CSMD1: variants seen among roughly 807,000 people sequenced by gnomAD.
CSMD1 encodes CUB and Sushi multiple domains 1.
A neutral mutation model predicts 417.5 loss-of-function variants in CSMD1; 213 were observed. The observed-to-expected ratio is 0.51, with a 90% CI of 0.46 to 0.57. CSMD1 has a LOEUF of 0.57. CSMD1 is among the 20% of genes least tolerant of loss of function. CSMD1 has a pLI of 0.00. For synonymous variants in CSMD1, 2,862 were observed against 1,736.8 expected, an observed-to-expected ratio of 1.65 and a Z score of -16.11; for missense variants, 6,923 against 4,529.7, an observed-to-expected ratio of 1.53 and a Z score of -15.17.
At chr8:4,097,312 A>C (rs937068283) in intron 3 of CSMD1, among the ~76,000 whole-genome samples, 2 of 152,204 alleles carry the variant, frequency 1.3e-5, no homozygotes, top group African/African-American at 4.8e-5. Flanking sequence ...ATACTGAAAC[A>C]CTTATTTTAA....
rs1409428587 is a variant in CSMD1, at chr8:3,394,875, TG to T, written c.2593+1318del. ...TGAAGAGTAATAACTGAATTAAATTTGAAATTTGTCATTAAGTCATTGATAA... is the reference window on the plus strand; with the variant it reads ...TGAAGAGTAATAACTGAATTAAATTTAAATTTGTCATTAAGTCATTGATAA... On this transcript the variant is annotated intron_variant, in intron 17 of 69. Transcript: ENST00000635120. Among the ~76,000 whole-genome samples, 4 of 152,232 alleles carry T rather than the reference TG, an allele frequency of 2.6e-5. No homozygotes were observed. The East Asian group carries it at 5.8e-4, about 22-fold the overall frequency.
intron 10 of CSMD1, among the ~76,000 whole-genome samples, chr8:3,506,437 T>C (rs927070318): frequency 1.3e-5 from 2 of 152,118 alleles, no homozygotes; most frequent in Admixed American, 1.3e-4. Flanking sequence ...AATGGGTAAG[T>C]ACTCACATTC....
chr8:4,478,205 A>C (rs541649514), intron 2 of CSMD1, among the ~76,000 whole-genome samples: 5 of 152,188 alleles, frequency 3.3e-5, no homozygotes, highest in Non-Finnish European at 7.3e-5. Flanking sequence ...TTCACTCGCC[A>C]AATGATTCAC....
chr8:4,162,144 C>T (rs756328718), intron 3 of CSMD1, among the ~76,000 whole-genome samples: 2 of 152,142 alleles, frequency 1.3e-5, no homozygotes, highest in Admixed American at 6.6e-5. Flanking sequence ...TAAACCAGTG[C>T]GACATCGTAA....
At chr8:4,906,503 T>A (rs1467105981) in intron 1 of CSMD1, among the ~76,000 whole-genome samples, 1 of 51,568 alleles carries the variant, frequency 1.9e-5, no homozygotes, top group Non-Finnish European at 4.5e-5. Context: ...TTCACACACT[T>A]TGTTTTTCAG....
At chr8:3,501,257 G>C (rs1796588027) in intron 10 of CSMD1, among the ~76,000 whole-genome samples, 1 of 151,876 alleles carries the variant, frequency 6.6e-6, no homozygotes, top group South Asian at 2.1e-4. Flanking sequence ...CACACACACA[G>C]GCACAGAAAC....
At chr8:3,917,417 AC>A (rs1808905755) in intron 5 of CSMD1, among the ~76,000 whole-genome samples, 1 of 15,812 alleles carries the variant, frequency 6.3e-5, no homozygotes, top group African/African-American at 6.1e-4. Flanking sequence ...ATACCACGAA[AC>A]ACACACACAC....
intron 11 of CSMD1, among the ~76,000 whole-genome samples, chr8:3,474,805 C>T (rs759925770): frequency 2.0e-5 from 3 of 152,094 alleles, no homozygotes; most frequent in Non-Finnish European, 4.4e-5. Context: ...TAACACAGCT[C>T]AATTTTTCCC....
At chr8:4,586,762 C>T (rs1249805345) in intron 2 of CSMD1, among the ~76,000 whole-genome samples, 1 of 152,304 alleles carries the variant, frequency 6.6e-6, no homozygotes, top group East Asian at 1.9e-4. Context: ...TGCGGTTCCC[C>T]ATGGCACTTT....
chr8:3,464,387 C>T (rs940259829), intron 12 of CSMD1, among the ~76,000 whole-genome samples: 1 of 152,046 alleles, frequency 6.6e-6, no homozygotes, highest in African/African-American at 2.4e-5. Flanking sequence ...TATGAGGGAA[C>T]CCAACTTTCA....
At chr8:4,339,690 G>T (rs1272735709) in intron 3 of CSMD1, among the ~76,000 whole-genome samples, 1 of 152,090 alleles carries the variant, frequency 6.6e-6, no homozygotes, top group Non-Finnish European at 1.5e-5. Flanking sequence ...ACAGTTTCCA[G>T]GTTTGAGTGA....
intron 1 of CSMD1, among the ~76,000 whole-genome samples, chr8:4,780,996 C>G (rs527395209): frequency 6.6e-5 from 10 of 152,306 alleles, no homozygotes; most frequent in Admixed American, 2.0e-4. Context: ...AGGTCAGTGT[C>G]TTACCTTAAA....
intron 2 of CSMD1, among the ~76,000 whole-genome samples, chr8:4,573,274 T>C (rs1450570972): frequency 6.6e-6 from 1 of 152,218 alleles, no homozygotes; most frequent in African/African-American, 2.4e-5. Flanking sequence ...CTTTGATCTT[T>C]TATGCTGATG....
At position 3,288,696 on chromosome 8, in the gene CSMD1, C is replaced by T. The variant is rs868040586; in HGVS notation, c.3951-4350G>A. Among the ~76,000 whole-genome samples the T allele has an allele frequency of 1.2e-4, 18 of 146,862 alleles. 3 individuals carry two copies. The highest frequency in any genetic ancestry group is 4.6e-4 in the African/African-American group (17 of 36,874). On this transcript the variant is annotated intron_variant, in intron 25 of 69. Transcript: ENST00000635120. Reference sequence around the variant, plus strand: ...CTATTTGATTCTTCTCTCTTTTCTTCTTTATTTTTCTTGATAGCAGTTTAT... The same window carrying T: ...CTATTTGATTCTTCTCTCTTTTCTTTTTTATTTTTCTTGATAGCAGTTTAT...
At chr8:3,950,184 A>G (rs2129864463) in intron 5 of CSMD1, among the ~76,000 whole-genome samples, 1 of 152,348 alleles carries the variant, frequency 6.6e-6, no homozygotes, top group Non-Finnish European at 1.5e-5. Context: ...ACAAGACCCT[A>G]GAGGCCACGA....
Position 4,592,104 on chromosome 8 carries a change from C to A in CSMD1, c.302+45238G>T, listed in dbSNP as rs187670096. Among the ~76,000 whole-genome samples the A allele has an allele frequency of 3.3e-5, 5 of 152,140 alleles. No homozygotes were observed. In the East Asian group the frequency reaches 9.7e-4, roughly 29 times the overall value. ...TAGGGACATGCTGGTAGATGTTTAA[C>A]GAGCGGCTTTGCTGGCATAACGGAT... On this transcript the variant is annotated intron_variant, in intron 2 of 69. Transcript: ENST00000635120.
At chr8:4,505,732 G>A (rs1802489072) in intron 2 of CSMD1, among the ~76,000 whole-genome samples, 2 of 152,038 alleles carry the variant, frequency 1.3e-5, no homozygotes, top group African/African-American at 4.8e-5. Context: ...CCTTTGGACA[G>A]AACCCTAAGC....
chr8:4,459,990 C>T (rs1220431940), intron 2 of CSMD1, among the ~76,000 whole-genome samples: 1 of 152,116 alleles, frequency 6.6e-6, no homozygotes, highest in Non-Finnish European at 1.5e-5. Flanking sequence ...TCAGACTAGA[C>T]AACCAAAATA....
chr8:3,839,793 G>A (rs958171229), intron 5 of CSMD1, among the ~76,000 whole-genome samples: 1 of 151,676 alleles, frequency 6.6e-6, no homozygotes, highest in Non-Finnish European at 1.5e-5. Context: ...TCCCAGAGAA[G>A]CTGGTGGCCA....
Sources: gnomAD v4.1 joint callset for allele counts (sites outside exome capture counted in the v4.1 genomes callset) on GRCh38, gnomAD v4.1.1 for gene constraint, MANE v1.5 for transcripts, NCBI Gene and HGNC (gene_info 2026-07-23, HGNC 2026-07-21) for gene names.